Variants in PTPRT observed in about 807,000 individuals in gnomAD.
PTPRT encodes receptor-type tyrosine-protein phosphatase T.
Under a neutral mutation model 176.8 loss-of-function variants are expected in PTPRT, and 56 were observed. The ratio of observed to expected loss-of-function variants is 0.32; its 90% confidence interval spans 0.26 to 0.40. PTPRT has a LOEUF of 0.40. Ranked by LOEUF, PTPRT falls within the 10% of genes least tolerant of loss-of-function variation. PTPRT has a pLI of 1.00. For missense variants in PTPRT, 1,540 were observed against 1,908.2 expected (o/e 0.81, Z 3.60); for synonymous variants, 783 against 739.0 (o/e 1.06, Z -0.96).
chr20:42,300,257 C>CAAAAAAAAAAAAA (rs761176814), intron 12 of PTPRT, among the ~76,000 whole-genome samples: 1 of 49,630 alleles, frequency 2.0e-5, no homozygotes, highest in Non-Finnish European at 3.8e-5. Flanking sequence ...AACTCCGTCT[C>CAAAAAAAAAAAAA]AAAAAAAAAA....
chr20:42,478,115 T>G (rs2071323042), intron 7 of PTPRT, among the ~76,000 whole-genome samples: 1 of 152,208 alleles, frequency 6.6e-6, no homozygotes, highest in South Asian at 2.1e-4. Flanking sequence ...AGGATGGCTG[T>G]CTGGGGGCAG....
intron 2 of PTPRT, among the ~76,000 whole-genome samples, chr20:42,840,635 A>T (rs1416203709): frequency 2.0e-5 from 3 of 151,920 alleles, no homozygotes; most frequent in Non-Finnish European, 4.4e-5. Flanking sequence ...CTGGTCTCAA[A>T]CTCTTGACCT....
chr20:42,609,234 G>A (rs898636089), intron 7 of PTPRT, among the ~76,000 whole-genome samples: 4 of 151,780 alleles, frequency 2.6e-5, no homozygotes, highest in African/African-American at 4.8e-5. Flanking sequence ...TGACCATGCC[G>A]GGCTAATTTT....
At chr20:42,599,379 G>A (rs1035912835) in intron 7 of PTPRT, among the ~76,000 whole-genome samples, 6 of 152,132 alleles carry the variant, frequency 3.9e-5, no homozygotes, top group Admixed American at 1.3e-4. Flanking sequence ...GGTTGATTCT[G>A]CAAACCACCG....
At chr20:42,337,531 G>A (rs749137841) in intron 11 of PTPRT, among the ~76,000 whole-genome samples, 13 of 152,110 alleles carry the variant, frequency 8.5e-5, no homozygotes, top group Non-Finnish European at 1.3e-4. Context: ...TCTAGAGGAG[G>A]AGCTCAACAA....
At chr20:43,017,039 C>T (rs1335301068) in intron 1 of PTPRT, among the ~76,000 whole-genome samples, 5 of 152,066 alleles carry the variant, frequency 3.3e-5, no homozygotes, top group Non-Finnish European at 5.9e-5. Flanking sequence ...ACAAATATTA[C>T]TTTAATGTAA....
intron 1 of PTPRT, among the ~76,000 whole-genome samples, chr20:43,084,856 A>G (rs949588935): frequency 1.3e-5 from 2 of 152,212 alleles, no homozygotes; most frequent in African/African-American, 4.8e-5. Context: ...TGACAGGATT[A>G]TGGGTTTTTC....
intron 6 of PTPRT, among the ~76,000 whole-genome samples, chr20:42,756,110 C>T (rs1383636543): frequency 1.3e-5 from 2 of 152,118 alleles, no homozygotes; most frequent in East Asian, 1.9e-4. Flanking sequence ...AACAATAGTA[C>T]GAGAACACTG....
intron 7 of PTPRT, among the ~76,000 whole-genome samples, chr20:42,487,058 C>T (rs1411099599): frequency 6.6e-6 from 1 of 152,208 alleles, no homozygotes; most frequent in Non-Finnish European, 1.5e-5. Flanking sequence ...CACTCCTTCA[C>T]ATAGTACAGG....
intron 1 of PTPRT, among the ~76,000 whole-genome samples, chr20:43,074,279 G>T (rs2011223810): frequency 6.6e-6 from 1 of 152,150 alleles, no homozygotes; most frequent in African/African-American, 2.4e-5. Context: ...AGACTTAAAA[G>T]CAAAAACAAA....
At chr20:42,626,523 T>A (rs1459270715) in intron 7 of PTPRT, among the ~76,000 whole-genome samples, 2 of 152,198 alleles carry the variant, frequency 1.3e-5, no homozygotes, top group African/African-American at 4.8e-5. Flanking sequence ...CACTACTAAA[T>A]GCAGCAAGCT....
intron 14 of PTPRT, among the ~76,000 whole-genome samples, chr20:42,245,232 G>C (rs1393932409): frequency 1.3e-5 from 2 of 152,180 alleles, no homozygotes; most frequent in Non-Finnish European, 2.9e-5. Flanking sequence ...CACACTGGTA[G>C]TTAACTCTGT....
intron 7 of PTPRT, among the ~76,000 whole-genome samples, chr20:42,568,831 C>T (rs892428380): frequency 6.6e-6 from 1 of 151,432 alleles, no homozygotes; most frequent in Non-Finnish European, 1.5e-5. Context: ...GGGTGGATCA[C>T]GAGGTCAGGA....
At chr20:42,624,412 G>T (rs1416111727) in intron 7 of PTPRT, among the ~76,000 whole-genome samples, 1 of 152,176 alleles carries the variant, frequency 6.6e-6, no homozygotes. Context: ...AGGAACATAA[G>T]GTTAGAACAG....
intron 2 of PTPRT, among the ~76,000 whole-genome samples, chr20:42,806,016 T>C (rs2077602103): frequency 6.6e-6 from 1 of 151,864 alleles, no homozygotes; most frequent in South Asian, 2.1e-4. Flanking sequence ...TTTTTTTTTT[T>C]TTTTAATCTT....
At chr20:42,827,484 T>A (rs1849149) in intron 2 of PTPRT, among the ~76,000 whole-genome samples, 14,756 of 152,184 alleles carry the variant, frequency 0.097, 787 homozygotes, top group African/African-American at 0.14. Context: ...AAGGCAGACA[T>A]CAAGAAGTTG....
At chr20:43,073,825 C>G (rs1047361388) in intron 1 of PTPRT, among the ~76,000 whole-genome samples, 1 of 151,982 alleles carries the variant, frequency 6.6e-6, no homozygotes, top group Non-Finnish European at 1.5e-5. Flanking sequence ...AATTACAGCT[C>G]ACTGTAATCT....
intron 2 of PTPRT, among the ~76,000 whole-genome samples, chr20:42,874,439 T>C (rs897215612): frequency 7.2e-6 from 1 of 138,470 alleles, no homozygotes; most frequent in Admixed American, 7.2e-5. Context: ...CATCCTCTCC[T>C]CAAAAAAAAA....
intron 18 of PTPRT, among the ~76,000 whole-genome samples, chr20:42,130,291 G>C (rs1210033956): frequency 2.0e-5 from 3 of 152,216 alleles, no homozygotes; most frequent in Admixed American, 2.0e-4. Context: ...CTGCCCTTGG[G>C]CTGAAGGGAT....
Sources: allele counts gnomAD v4.1 joint callset (sites outside exome capture counted in the v4.1 genomes callset), GRCh38; gene constraint gnomAD v4.1.1; transcripts MANE v1.5; gene names NCBI Gene and HGNC (gene_info 2026-07-23, HGNC 2026-07-21).